Variants in ZFP14 observed in about 807,000 individuals in gnomAD.
The protein encoded by ZFP14 is zinc finger protein 14 homolog.
A neutral mutation model predicts 54.5 loss-of-function variants in ZFP14; 22 were observed. The observed-to-expected ratio is 0.40, with a 90% CI of 0.29 to 0.58. The LOEUF (loss-of-function observed/expected upper bound fraction) is 0.58, where lower values mean the gene tolerates loss of function less well. Among genes scored for constraint, ZFP14 ranks in the 20% least tolerant of loss-of-function variants. ZFP14 has a pLI of 0.39. For synonymous variants in ZFP14, 159 were observed against 204.0 expected, an observed-to-expected ratio of 0.78 and a Z score of 1.88; for missense variants, 470 against 637.8, an observed-to-expected ratio of 0.74 and a Z score of 2.83.
chr19:36,368,546 A>T (rs942562795), intron 1 of ZFP14, among the ~76,000 whole-genome samples: 3 of 152,166 alleles, frequency 2.0e-5, no homozygotes, highest in African/African-American at 7.2e-5. Context: ...AGGATTTCTG[A>T]CCAGGTCGCC....
intron 4 of ZFP14, among the ~76,000 whole-genome samples, chr19:36,348,132 G>C (rs1201809782): frequency 6.6e-6 from 1 of 152,158 alleles, no homozygotes; most frequent in East Asian, 1.9e-4. Context: ...TCACCAGATA[G>C]TCACATAGAA....
chr19:36,364,524 C>T (rs7255251), intron 2 of ZFP14, among the ~76,000 whole-genome samples: 5 of 152,080 alleles, frequency 3.3e-5, no homozygotes, highest in Non-Finnish European at 4.4e-5. Flanking sequence ...AAGCCTTTCC[C>T]GCTGGGTGTG....
chr19:36,376,009 G>C (rs1215829296), intron 1 of ZFP14, among the ~76,000 whole-genome samples: 1 of 151,222 alleles, frequency 6.6e-6, no homozygotes, highest in Non-Finnish European at 1.5e-5. Context: ...TTTTTTTTAA[G>C]TATGCATAAT....
intron 3 of ZFP14, 94 bp from the exon 4 acceptor site, chr19:36,360,627 G>A: frequency 8.8e-7 from 1 of 1,141,404 alleles, no homozygotes; most frequent in Non-Finnish European, 1.2e-6. Flanking sequence ...GATCAATATG[G>A]CACTTTATAA....
At chr19:36,362,459 T>A (rs1007506886) in intron 2 of ZFP14, among the ~76,000 whole-genome samples, 2 of 152,196 alleles carry the variant, frequency 1.3e-5, no homozygotes, top group Non-Finnish European at 2.9e-5. Context: ...TAGATATGAT[T>A]ACATTTTCAT....
chr19:36,347,697 C>T (rs1051972347), intron 4 of ZFP14, among the ~76,000 whole-genome samples: 5 of 152,116 alleles, frequency 3.3e-5, no homozygotes, highest in Non-Finnish European at 7.3e-5. Flanking sequence ...CTTGAGAAAG[C>T]ACTCAATTAT....
At chr19:36,372,916 G>A (rs1481570070) in intron 1 of ZFP14, among the ~76,000 whole-genome samples, 1 of 152,174 alleles carries the variant, frequency 6.6e-6, no homozygotes, top group African/African-American at 2.4e-5. Context: ...AGGACGTTAT[G>A]TTAAGTGAAA....
In ZFP14 at chr19:36,350,492, T is replaced by C. The variant is rs10425250; in HGVS notation, c.236-8902A>G. ...GGTGTGCACCTGTGGTCCAAGCTACTTGGGAGGCTGAGGTGGGAGGATCAC... is the reference window on the plus strand; with the variant it reads ...GGTGTGCACCTGTGGTCCAAGCTACCTGGGAGGCTGAGGTGGGAGGATCAC... On this transcript the variant is annotated intron_variant, in intron 4 of 4. Coordinates refer to ENST00000270001, the MANE Select transcript of ZFP14 (RefSeq NM_020917.3). 1.4e-5 allele frequency among the ~76,000 whole-genome samples: 2 copies of C among 140,936 alleles called. 1 individual carries two copies. Among genetic ancestry groups the C allele is most frequent in the African/African-American group, 5.2e-5 (2 of 38,320 alleles). The allele number at this position is 140,936 out of a possible 152,430, so 92.5% of individuals were successfully genotyped here.
chr19:36,342,341 C>T (rs1225700116), intron 4 of ZFP14, among the ~76,000 whole-genome samples: 3 of 151,800 alleles, frequency 2.0e-5, no homozygotes, highest in East Asian at 3.9e-4. Flanking sequence ...CCCCCAAGCC[C>T]GGCTAATATT....
intron 2 of ZFP14, among the ~76,000 whole-genome samples, chr19:36,367,372 G>A (rs1022014291): frequency 2.6e-5 from 4 of 152,140 alleles, no homozygotes; most frequent in African/African-American, 7.2e-5. Flanking sequence ...CACAGCTATT[G>A]ACAGAAGATT....
At chr19:36,353,968 G>A (rs1210385237) in intron 4 of ZFP14, among the ~76,000 whole-genome samples, 2 of 137,010 alleles carry the variant, frequency 1.5e-5, no homozygotes, top group African/African-American at 5.4e-5. Flanking sequence ...CCAGCTACTT[G>A]GGAGGCTGAG....
chr19:36,363,776 G>A (rs1389914405), intron 2 of ZFP14, among the ~76,000 whole-genome samples: 4 of 151,964 alleles, frequency 2.6e-5, no homozygotes, highest in African/African-American at 9.7e-5. Context: ...GATCACTTGA[G>A]GTCAGGAGTT....
chr19:36,372,921 G>A (rs912155869), intron 1 of ZFP14, among the ~76,000 whole-genome samples: 3 of 152,210 alleles, frequency 2.0e-5, no homozygotes, highest in Non-Finnish European at 2.9e-5. Flanking sequence ...GTTATGTTAA[G>A]TGAAATAAGC....
At chr19:36,374,870 A>G (rs1426493682) in intron 1 of ZFP14, among the ~76,000 whole-genome samples, 2 of 152,226 alleles carry the variant, frequency 1.3e-5, no homozygotes, top group African/African-American at 4.8e-5. Flanking sequence ...TTCCCGGCTC[A>G]AGTTCTTTCA....
rs1431277020 is a variant in ZFP14 at position 36,360,420 on chromosome 19, T to TC, written c.235+14dup. The TC allele has an allele frequency of 6.2e-7, 1 of 1,608,312 alleles. No homozygotes were observed. The highest frequency in any genetic ancestry group is 1.3e-5 in the African/African-American group (1 of 74,818). On this transcript the variant is annotated intron_variant, in intron 4 of 4. Transcript: ENST00000270001. ...GCAGTAGTGATTTCTCAATGCCTGC[T>TC]CAGCCCTCACTCACCAGGGCAGTAT...
rs372842197 is a variant in ZFP14, at chr19:36,351,921, C to T, written c.235+8514G>A. Among the ~76,000 whole-genome samples the T allele has an allele frequency of 2.7e-3, 382 of 143,370 alleles. 56 individuals are homozygous for T. The highest frequency in any genetic ancestry group is 4.0e-3 in the Non-Finnish European group (256 of 64,442). 94.1% of individuals were successfully genotyped at this position (143,370 alleles called of 152,430 possible). A position where few individuals can be genotyped will look rare whatever the true frequency, so the allele number is the denominator to read the frequency against. On this transcript the variant is annotated intron_variant, in intron 4 of 4. Transcript: ENST00000270001. ...AGATCCGGCCGGGTGTGGTGGCTCA[C>T]GCCTGTAATCCCAGCACTTTGGGAG...
Position 36,355,276 on chromosome 19 carries a change from G to A in ZFP14, c.235+5159C>T, listed in dbSNP as rs374120250. Among the ~76,000 whole-genome samples, 11 of 143,480 alleles carry A rather than the reference G, an allele frequency of 7.7e-5. No individual in the cohort carries two copies. In the East Asian group the frequency reaches 1.9e-3, roughly 24 times the overall value. 94.1% of individuals were successfully genotyped at this position (143,480 alleles called of 152,430 possible). ...AACTCTGTTCCCCTAAAATTTGAAT[G>A]TTGAGCCCTAACTAACTGTATGTGG... On this transcript the variant is annotated intron_variant, in intron 4 of 4. Coordinates refer to ENST00000270001, the MANE Select transcript of ZFP14 (RefSeq NM_020917.3).
intron 4 of ZFP14, among the ~76,000 whole-genome samples, chr19:36,344,276 A>G (rs138861630): frequency 0.018 from 2,794 of 152,256 alleles, 53 homozygotes; most frequent in African/African-American, 0.062. Context: ...AAGTGCTGAG[A>G]TTACAGTGTG....
intron 4 of ZFP14, among the ~76,000 whole-genome samples, chr19:36,359,673 G>A (rs1454771480): frequency 2.0e-5 from 3 of 151,828 alleles, no homozygotes; most frequent in Non-Finnish European, 2.9e-5. Flanking sequence ...TTTTGGAGTC[G>A]GGGTAGAGTC....
Sources: gnomAD v4.1 joint callset for allele counts (sites outside exome capture counted in the v4.1 genomes callset) on GRCh38, gnomAD v4.1.1 for gene constraint, MANE v1.5 for transcripts, NCBI Gene and HGNC (gene_info 2026-07-23, HGNC 2026-07-21) for gene names.